PTN: variants seen among roughly 807,000 people sequenced by gnomAD.
PTN encodes heparin affin regulatory protein.
A neutral mutation model predicts 24.1 loss-of-function variants in PTN; 18 were observed. The observed-to-expected ratio is 0.75, with a 90% CI of 0.52 to 1.11. The LOEUF (loss-of-function observed/expected upper bound fraction) is 1.11, where lower values mean the gene tolerates loss of function less well. Ranked by LOEUF, PTN falls within the 50% of genes least tolerant of loss-of-function variation. The probability of loss-of-function intolerance (pLI) is 0.00; values close to 1 mark genes in which losing one functional copy is unlikely to be tolerated. For synonymous variants in PTN, 78 were observed against 68.6 expected (o/e 1.14, Z -0.67); for missense variants, 163 against 198.8 (o/e 0.82, Z 1.08).
At chr7:137,297,197 CA>C (rs1273250622) in intron 1 of PTN, among the ~76,000 whole-genome samples, 1 of 151,426 alleles carries the variant, frequency 6.6e-6, no homozygotes, top group Admixed American at 6.6e-5. Context: ...ATTTTTTTTC[CA>C]AAAAATCTGT....
intron 1 of PTN, among the ~76,000 whole-genome samples, chr7:137,276,938 TCAAAAAAACTAC>T (rs1563209186): frequency 2.0e-5 from 3 of 152,136 alleles, no homozygotes; most frequent in African/African-American, 7.2e-5. Flanking sequence ...ATGGAATCAC[TCAAAAAAACTAC>T]CAGAATTGAT....
chr7:137,230,516 A>C (rs2128867099), intron 4 of PTN, among the ~76,000 whole-genome samples: 1 of 151,980 alleles, frequency 6.6e-6, no homozygotes, highest in South Asian at 2.1e-4. Context: ...AAGTAGTGGA[A>C]GGAGGGAAGA....
chr7:137,293,472 A>T (rs1809672546), intron 1 of PTN, among the ~76,000 whole-genome samples: 1 of 152,114 alleles, frequency 6.6e-6, no homozygotes, highest in Non-Finnish European at 1.5e-5. Flanking sequence ...GCATACTTGA[A>T]ATGCTAGTAA....
Position 137,251,267 on chromosome 7 carries a change from G to A in PTN, c.414C>T (p.Ser138=). 1 of 1,614,124 alleles carries A rather than the reference G, an allele frequency of 6.2e-7. No homozygotes were observed. ...GCTTGGTCAGTTTGCCACAGGGCTT[G>A]GAGATGGTGACAGTCTTCTGGCATT... The part of the protein sequence containing the change: ...NAECQKTVTI[S]KPCGKLTKPK... Residue 138 remains serine (S), a synonymous_variant, in exon 4 of 5, where the codon TCC becomes TCT. Transcript: ENST00000348225.
chr7:137,295,942 A>AGAAGGGTCACTT (rs1259753466), intron 1 of PTN, among the ~76,000 whole-genome samples: 1 of 151,998 alleles, frequency 6.6e-6, no homozygotes, highest in Non-Finnish European at 1.5e-5. Context: ...GAAGCAGAAA[A>AGAAGGGTCACTT]GAAGGGTCAC....
intron 1 of PTN, among the ~76,000 whole-genome samples, chr7:137,289,422 C>T (rs772873445): frequency 3.9e-5 from 6 of 152,154 alleles, no homozygotes; most frequent in Non-Finnish European, 7.4e-5. Context: ...CTTCTCTTAT[C>T]GATCGAGCAA....
chr7:137,247,536 G>C (rs762232609), intron 4 of PTN, among the ~76,000 whole-genome samples: 3 of 152,020 alleles, frequency 2.0e-5, no homozygotes, highest in Non-Finnish European at 4.4e-5. Context: ...ATGGGTGGTT[G>C]GGATGGTTAA....
chr7:137,262,052 A>C (rs1809049132), intron 1 of PTN, among the ~76,000 whole-genome samples: 1 of 152,174 alleles, frequency 6.6e-6, no homozygotes, highest in Admixed American at 6.5e-5. Context: ...CTTGTGGAAG[A>C]GTTTCTATGA....
chr7:137,232,146 C>T (rs923794907), intron 4 of PTN, among the ~76,000 whole-genome samples: 1 of 151,996 alleles, frequency 6.6e-6, no homozygotes. Context: ...AATAACACCC[C>T]GGGCCACATG....
chr7:137,228,102 AAGAG>A (rs752868770), intron 4 of PTN, 27 bp from the exon 5 acceptor site: 8 of 1,369,612 alleles, frequency 5.8e-6, no homozygotes, highest in Admixed American at 5.5e-5. Flanking sequence ...GAGAGACAGA[AAGAG>A]AGAAAGAGAA....
At position 137,228,045 on chromosome 7, in the gene PTN, T is replaced by G; in HGVS notation, c.482A>C (p.Lys161Thr). 1 of 1,606,660 alleles carries G rather than the reference T, an allele frequency of 6.2e-7. No homozygotes were observed. The highest frequency in any genetic ancestry group is 8.5e-7 in the Non-Finnish European group (1 of 1,174,706). ...TTAATCCAGCATCTTCTCCTGTTTCTTGCCTTCCTTTTTCTTCTTCTTAGA... is the reference window on the plus strand; with the variant it reads ...TTAATCCAGCATCTTCTCCTGTTTCGTGCCTTCCTTTTTCTTCTTCTTAGA... ...AESKKKKKEGKKQEKMLD is the reference protein window; with the variant it reads ...AESKKKKKEGTKQEKMLD The change falls in exon 5 of 5, where the codon AAG (lysine) becomes ACG (threonine). Residue 161 changes from lysine (K) to threonine (T), a missense_variant. Transcript: ENST00000348225.
chr7:137,261,542 G>A (rs1241081962), intron 1 of PTN, among the ~76,000 whole-genome samples: 1 of 152,086 alleles, frequency 6.6e-6, no homozygotes, highest in Non-Finnish European at 1.5e-5. Context: ...ACTTACAGGG[G>A]CCAAGGGAAA....
intron 4 of PTN, among the ~76,000 whole-genome samples, chr7:137,238,622 A>G (rs947364323): frequency 2.0e-5 from 3 of 152,200 alleles, no homozygotes; most frequent in African/African-American, 7.2e-5. Flanking sequence ...AAGCACTGGT[A>G]CAATGGAAAA....
At chr7:137,272,908 C>G (rs1212620212) in intron 1 of PTN, among the ~76,000 whole-genome samples, 1 of 152,210 alleles carries the variant, frequency 6.6e-6, no homozygotes, top group Non-Finnish European at 1.5e-5. Context: ...ACCAGTAACT[C>G]AAGTCATGGA....
intron 1 of PTN, among the ~76,000 whole-genome samples, chr7:137,281,687 C>T (rs1809477004): frequency 2.0e-5 from 3 of 152,092 alleles, no homozygotes; most frequent in South Asian, 2.1e-4. Context: ...TAATTATTTG[C>T]TAATGTATTT....
chr7:137,286,321 A>G (rs1303663415), intron 1 of PTN, among the ~76,000 whole-genome samples: 1 of 152,246 alleles, frequency 6.6e-6, no homozygotes, highest in Non-Finnish European at 1.5e-5. Flanking sequence ...ACCTAAAGGC[A>G]TGAACCCTTA....
At chr7:137,331,246 C>G (rs960861269) in intron 1 of PTN, among the ~76,000 whole-genome samples, 1 of 152,130 alleles carries the variant, frequency 6.6e-6, no homozygotes, top group Non-Finnish European at 1.5e-5. Context: ...ACATCTACCC[C>G]CTTATTCCTG....
chr7:137,297,676 G>C (rs1008573560), intron 1 of PTN, among the ~76,000 whole-genome samples: 1 of 151,888 alleles, frequency 6.6e-6, no homozygotes, highest in Admixed American at 6.6e-5. Context: ...AATAGCCCAG[G>C]CGCATTCTTA....
intron 1 of PTN, among the ~76,000 whole-genome samples, chr7:137,304,711 T>A (rs1272506412): frequency 6.6e-6 from 1 of 151,962 alleles, no homozygotes; most frequent in East Asian, 1.9e-4. Context: ...GTTAATAGTT[T>A]CAAAAATGAA....
Sources: allele counts gnomAD v4.1 joint callset (sites outside exome capture counted in the v4.1 genomes callset), GRCh38; gene constraint gnomAD v4.1.1; transcripts MANE v1.5; gene names NCBI Gene and HGNC (gene_info 2026-07-23, HGNC 2026-07-21).